Variants in UNC13C observed in about 807,000 individuals in gnomAD.
The protein encoded by UNC13C is unc-13 homolog C.
Under a neutral mutation model 245.4 loss-of-function variants are expected in UNC13C, and 174 were observed. The observed-to-expected ratio is 0.71, with a 90% CI of 0.63 to 0.80. The LOEUF (loss-of-function observed/expected upper bound fraction) is 0.80. Among genes scored for constraint, UNC13C ranks in the 30% least tolerant of loss-of-function variants. UNC13C has a pLI of 0.00. For missense variants in UNC13C, 2,829 were observed against 2,602.9 expected (o/e 1.09, Z -1.89); for synonymous variants, 992 against 895.1 (o/e 1.11, Z -1.93).
chr15:54,326,763 A>G (rs937714061), intron 14 of UNC13C, among the ~76,000 whole-genome samples: 1 of 152,062 alleles, frequency 6.6e-6, no homozygotes, highest in East Asian at 1.9e-4. Flanking sequence ...TCTCAGGTCC[A>G]AAAGGTAACT....
At position 54,012,788 on chromosome 15, in the gene UNC13C, T is replaced by C. The variant is rs1895438089; in HGVS notation, c.-116T>C. 2.5e-6 allele frequency: 2 copies of C among 808,258 alleles called. No homozygotes were observed. The highest frequency in any genetic ancestry group is 1.7e-5 in the African/African-American group (1 of 57,734). The allele number at this position is 808,258 out of a possible 1,614,324, so 50.1% of individuals were successfully genotyped here. On this transcript the variant is annotated 5_prime_UTR_variant, in exon 2 of 33. Coordinates refer to ENST00000260323, the MANE Select transcript of UNC13C (RefSeq NM_001080534.3). ...GCAGAGCCATGCCTGCCCTTCCTGC[T>C]CTTTCCAGTGATTCACAGAACTTCT...
Position 54,523,018 on chromosome 15 carries a change from A to G in UNC13C, c.5458-2531A>G, listed in dbSNP as rs151053321. ...ATAAGCTTTAAACCTTTGAAAAAAT[A>G]TTAGATTGCCTTTTACCTTTACAAG... On this transcript the variant is annotated intron_variant, in intron 24 of 32. Transcript: ENST00000260323. Among the ~76,000 whole-genome samples the G allele has an allele frequency of 4.1e-3, 631 of 152,332 alleles. 9 individuals carry two copies. The highest frequency in any genetic ancestry group is 0.014 in the African/African-American group (593 of 41,586).
chr15:53,879,975 A>G, the UNC13C span, among the ~76,000 whole-genome samples: 19 of 132,182 alleles, frequency 1.4e-4, no homozygotes, highest in South Asian at 2.5e-4. Context: ...GTGTGTGTAT[A>G]TACATATATA....
At chr15:54,253,837 G>A (rs1567137352) in intron 8 of UNC13C, among the ~76,000 whole-genome samples, 1 of 152,096 alleles carries the variant, frequency 6.6e-6, no homozygotes, top group Non-Finnish European at 1.5e-5. Flanking sequence ...GTAGAAAAAA[G>A]ACAGCTACAG....
At chr15:54,294,814 AT>A in intron 11 of UNC13C, among the ~76,000 whole-genome samples, 1 of 152,298 alleles carries the variant, frequency 6.6e-6, no homozygotes, top group South Asian at 2.1e-4. Context: ...GAGTTGACAC[AT>A]TCCTTGGGTT....
At chr15:54,617,812 G>C (rs1340007757) in intron 30 of UNC13C, among the ~76,000 whole-genome samples, 1 of 152,044 alleles carries the variant, frequency 6.6e-6, no homozygotes, top group African/African-American at 2.4e-5. Context: ...CCAATCCAGA[G>C]TCCTGGACCT....
At chr15:53,990,659 T>G in intron 1 of UNC13C, among the ~76,000 whole-genome samples, 1 of 152,062 alleles carries the variant, frequency 6.6e-6, no homozygotes, top group Admixed American at 6.6e-5. Flanking sequence ...GTTTCCCTGC[T>G]AGTAAAGCTT....
chr15:53,965,298 G>A, the UNC13C span, among the ~76,000 whole-genome samples: 31 of 151,872 alleles, frequency 2.0e-4, no homozygotes, highest in Non-Finnish European at 3.8e-4. Context: ...TCCTCAGCTC[G>A]TATTAATTTC....
At chr15:54,023,780 G>A (rs1351728211) in intron 2 of UNC13C, among the ~76,000 whole-genome samples, 2 of 152,140 alleles carry the variant, frequency 1.3e-5, no homozygotes, top group Admixed American at 6.5e-5. Flanking sequence ...AATATTAACT[G>A]ACGATGAAAG....
chr15:54,109,999 C>T (rs1311434362), intron 2 of UNC13C, among the ~76,000 whole-genome samples: 16 of 152,114 alleles, frequency 1.1e-4, no homozygotes, highest in African/African-American at 3.6e-4. Flanking sequence ...AAATATTGGC[C>T]GGGTGTGGTG....
chr15:54,403,715 C>CAAAAAAAAAAAAAAAAAAAAAAAAAA (rs771818988), intron 18 of UNC13C, among the ~76,000 whole-genome samples: 1 of 56,870 alleles, frequency 1.8e-5, no homozygotes, highest in African/African-American at 6.9e-5. Context: ...GAACCTGTCT[C>CAAAAAAAAAAAAAAAAAAAAAAAAAA]AAAAAAAAAA....
In UNC13C at chr15:54,341,004, G is replaced by T. The variant is rs548907597; in HGVS notation, c.4713+2515G>T. Among the ~76,000 whole-genome samples, 11 of 152,290 alleles carry T rather than the reference G, an allele frequency of 7.2e-5. 1 individual carries two copies. The highest frequency in any genetic ancestry group is 2.6e-4 in the African/African-American group (11 of 41,558). The stretch of plus-strand genomic sequence containing the variant: ...AAAAGGGAATGCTTATACACTGTTG[G>T]TGGGAATATAAATGTGTTCAGTCAC... On this transcript the variant is annotated intron_variant, in intron 17 of 32. Coordinates refer to ENST00000260323, the MANE Select transcript of UNC13C (RefSeq NM_001080534.3).
intron 8 of UNC13C, among the ~76,000 whole-genome samples, chr15:54,262,074 G>A (rs2036441435): frequency 6.6e-6 from 1 of 152,086 alleles, no homozygotes; most frequent in Admixed American, 6.5e-5. Context: ...ATAACAAGAG[G>A]CAGTCGTTAA....
chr15:54,448,334 A>G (rs1890952208), intron 19 of UNC13C, among the ~76,000 whole-genome samples: 1 of 152,036 alleles, frequency 6.6e-6, no homozygotes, highest in Non-Finnish European at 1.5e-5. Flanking sequence ...ATCCTCATTA[A>G]CTTTCTGTCT....
At chr15:54,108,315 T>C (rs1029334652) in intron 2 of UNC13C, among the ~76,000 whole-genome samples, 3 of 152,144 alleles carry the variant, frequency 2.0e-5, no homozygotes, top group African/African-American at 4.8e-5. Flanking sequence ...GCCTCCCCAG[T>C]AGCTGGGACT....
chr15:54,028,725 T>C (rs920124487), intron 2 of UNC13C, among the ~76,000 whole-genome samples: 1 of 139,932 alleles, frequency 7.1e-6, no homozygotes, highest in Non-Finnish European at 1.5e-5. Flanking sequence ...TCTCGCTCTG[T>C]TGTCATCCAG....
At chr15:54,396,906 A>G (rs1254625994) in intron 18 of UNC13C, among the ~76,000 whole-genome samples, 1 of 151,028 alleles carries the variant, frequency 6.6e-6, no homozygotes, top group Non-Finnish European at 1.5e-5. Context: ...AAAGGTCTAT[A>G]CTAGATAAAA....
At chr15:54,308,917 G>A (rs934236563) in intron 13 of UNC13C, among the ~76,000 whole-genome samples, 3 of 151,766 alleles carry the variant, frequency 2.0e-5, no homozygotes, top group Admixed American at 6.6e-5. Context: ...TCAATGGACA[G>A]TTACATTGAT....
intron 18 of UNC13C, among the ~76,000 whole-genome samples, chr15:54,398,104 CT>C (rs1275927904): frequency 6.6e-6 from 1 of 151,278 alleles, no homozygotes; most frequent in Non-Finnish European, 1.5e-5. Context: ...ATGGATAATG[CT>C]TTATCAAGTT....
Sources: gnomAD v4.1 joint callset for allele counts (sites outside exome capture counted in the v4.1 genomes callset) on GRCh38, gnomAD v4.1.1 for gene constraint, MANE v1.5 for transcripts, NCBI Gene and HGNC (gene_info 2026-07-23, HGNC 2026-07-21) for gene names.